Variants in KIF27 observed in about 807,000 individuals in gnomAD.
KIF27 encodes the protein kinesin family member 27, also known as kinesin-like protein KIF27.
In KIF27, 84 loss-of-function variants were observed where a neutral mutation model predicts 141.8. The ratio of observed to expected loss-of-function variants is 0.59; its 90% CI spans 0.50 to 0.71. KIF27 has a LOEUF of 0.71. KIF27 is among the 30% of genes least tolerant of loss of function. The probability of loss-of-function intolerance (pLI) is 0.00; values close to 1 mark genes in which losing one functional copy is unlikely to be tolerated. For missense variants in KIF27, 1,306 were observed against 1,628.4 expected (o/e 0.80, Z 3.41); for synonymous variants, 471 against 569.5 (o/e 0.83, Z 2.46).
chr9:83,838,294 C>T (rs1318052923), intron 17 of KIF27, among the ~76,000 whole-genome samples: 1 of 151,692 alleles, frequency 6.6e-6, no homozygotes, highest in Non-Finnish European at 1.5e-5. Flanking sequence ...AGTGCAGTGG[C>T]GTGATCTCGG....
chr9:83,866,908 G>C lies in KIF27; in HGVS notation c.2934+776C>G, dbSNP rs539649805. Among the ~76,000 whole-genome samples the C allele has an allele frequency of 5.3e-5, 8 of 150,970 alleles. No individual in the cohort carries two copies. The South Asian group carries it at 1.1e-3, about 20-fold the overall frequency. ...TTCAATGGTTTTTCATATATTCACA[G>C]TTATGTAACCATCACCACAATCAAT... On this transcript the variant is annotated intron_variant, in intron 13 of 17. Coordinates refer to ENST00000297814, the MANE Select transcript of KIF27 (RefSeq NM_017576.4).
chr9:83,849,276 C>T (rs1419759543), intron 16 of KIF27: 1 of 152,176 alleles, frequency 6.6e-6, no homozygotes, highest in Admixed American at 6.5e-5. Flanking sequence ...TGTCATTAGG[C>T]AACTGGTTGC....
At chr9:83,858,702 C>T (rs1395255082) in intron 14 of KIF27, 1 of 161,876 alleles carries the variant, frequency 6.2e-6, no homozygotes, top group African/African-American at 2.4e-5. Flanking sequence ...GGACACTGGG[C>T]CTTCTAAACC....
chr9:83,903,348 A>G lies in KIF27; in HGVS notation c.1170T>C (p.Asp390=), dbSNP rs1954130552. 1.2e-6 allele frequency: 2 copies of G among 1,614,072 alleles called. No individual in the cohort carries two copies. The highest frequency in any genetic ancestry group is 1.7e-6 in the Non-Finnish European group (2 of 1,180,044). Residue 390 remains aspartate (D), a synonymous_variant, in exon 4 of 18, where the codon GAT becomes GAC. Coordinates refer to ENST00000297814, the MANE Select transcript of KIF27 (RefSeq NM_017576.4). ...CCTCAAGAGAATGAATCCTATTTGT[A>G]TCAGGACTCCCTTCTCGATTGATCT... ...TTQINREGSP[D]TNRIHSLEEQ...
intron 11 of KIF27, among the ~76,000 whole-genome samples, chr9:83,874,811 G>C (rs970046131): frequency 6.7e-6 from 1 of 149,982 alleles, no homozygotes; most frequent in Non-Finnish European, 1.5e-5. Context: ...GCATGTGCCT[G>C]CAGTCCTAGC....
At chr9:83,918,877 A>C (rs1236658735) in intron 1 of KIF27, among the ~76,000 whole-genome samples, 1 of 152,292 alleles carries the variant, frequency 6.6e-6, no homozygotes, top group South Asian at 2.1e-4. Flanking sequence ...GGAGTTCGAG[A>C]CCAGCCTGAA....
chr9:83,871,077 A>AT (rs920980211), intron 11 of KIF27, among the ~76,000 whole-genome samples: 18 of 148,822 alleles, frequency 1.2e-4, no homozygotes, highest in Non-Finnish European at 2.2e-4. Flanking sequence ...CATCCAGCTA[A>AT]TTTTTTTTTT....
At position 83,880,453 on chromosome 9, in the gene KIF27, T is replaced by C; in HGVS notation, c.2487A>G (p.Ser829=). Residue 829 remains serine, a synonymous_variant, in exon 11 of 18, where the codon TCA becomes TCG. Coordinates refer to ENST00000297814, the MANE Select transcript of KIF27 (RefSeq NM_017576.4). ...CACGTTTCTCATTTTGGATTGACAGTGATGCCAGTTTCTTACTATCTTGTT... is the reference window on the plus strand; with the variant it reads ...CACGTTTCTCATTTTGGATTGACAGCGATGCCAGTTTCTTACTATCTTGTT... The part of the protein sequence containing the change: ...KKQQDSKKLA[S]LSIQNEKRAN... 2 of 1,612,936 alleles carry C rather than the reference T, an allele frequency of 1.2e-6. No individual in the cohort carries two copies. Among genetic ancestry groups the C allele is most frequent in the East Asian group, 2.2e-5 (1 of 44,876 alleles).
intron 13 of KIF27, among the ~76,000 whole-genome samples, chr9:83,865,140 C>A (rs879882441): frequency 1.3e-5 from 2 of 152,000 alleles, no homozygotes; most frequent in Non-Finnish European, 2.9e-5. Flanking sequence ...GTCTTTGATA[C>A]TCTCCTCTTT....
chr9:83,893,448 A>T (rs977872808), intron 5 of KIF27, among the ~76,000 whole-genome samples: 1 of 152,098 alleles, frequency 6.6e-6, no homozygotes, highest in Admixed American at 6.5e-5. Flanking sequence ...CTGAAATCAG[A>T]GATAGTATGT....
rs192546948 is a variant in KIF27 at position 83,903,265 on chromosome 9, G to A, written c.1253C>T (p.Ala418Val). The change falls in exon 4 of 18, where the codon GCC becomes GTC. Residue 418 changes from alanine (A) to valine (V), a missense_variant. Ala to Val is a moderately conservative substitution (Grantham distance 64, BLOSUM62 0). Coordinates refer to ENST00000297814, the MANE Select transcript of KIF27 (RefSeq NM_017576.4). ...TTTTAGGTCAACCAGGAAGGTAAAG[G>A]CTTCTTCTACACAACACTGGTAACC... ...CLGYQCCVEE[A>V]FTFLVDLKDT... is the part of the protein sequence containing the mutation. 3 of 1,614,120 alleles carry A rather than the reference G, an allele frequency of 1.9e-6. No individual in the cohort carries two copies. Among genetic ancestry groups the A allele is most frequent in the African/African-American group, 1.3e-5 (1 of 75,024 alleles).
chr9:83,863,380 C>G (rs1268338642), intron 13 of KIF27, among the ~76,000 whole-genome samples: 1 of 152,068 alleles, frequency 6.6e-6, no homozygotes, highest in African/African-American at 2.4e-5. Flanking sequence ...GAGTTTTTAC[C>G]ATGAAGGGCT....
chr9:83,894,751 T>C (rs549353593), intron 5 of KIF27, among the ~76,000 whole-genome samples: 3 of 152,290 alleles, frequency 2.0e-5, no homozygotes, highest in African/African-American at 7.2e-5. Context: ...CCAGACTTTG[T>C]TCCATGTGTC....
In KIF27 at chr9:83,870,587, C is replaced by G. The variant is rs1483659279; in HGVS notation, c.2689G>C (p.Ala897Pro). ...TGQEEGLKPK[A>P]EDLDACNLKR... Reference sequence around the variant, plus strand: ...AAGTTACATGCATCAAGGTCCTCAGCTTTCGGTTTTAGACCTTCTTCCTGT... The same window carrying G: ...AAGTTACATGCATCAAGGTCCTCAGGTTTCGGTTTTAGACCTTCTTCCTGT... Residue 897 changes from alanine to proline, a missense_variant, in exon 12 of 18, where the codon GCT becomes CCT. Coordinates refer to ENST00000297814, the MANE Select transcript of KIF27 (RefSeq NM_017576.4). 6.2e-7 allele frequency: 1 copy of G among 1,613,684 alleles called. No homozygotes were observed. Among genetic ancestry groups the G allele is most frequent in the Non-Finnish European group, 8.5e-7 (1 of 1,179,854 alleles).
At chr9:83,844,714 G>C (rs985166162) in intron 16 of KIF27, among the ~76,000 whole-genome samples, 3 of 152,148 alleles carry the variant, frequency 2.0e-5, no homozygotes, top group African/African-American at 7.2e-5. Context: ...GAAGCTGGTT[G>C]GTTGCTCCTA....
chr9:83,915,193 T>G lies in KIF27; in HGVS notation c.298+101A>C, dbSNP rs573288338. The G allele has an allele frequency of 1.3e-5, 11 of 877,336 alleles. No homozygotes were observed. The East Asian group carries it at 1.3e-4, about 10-fold the overall frequency. 54.3% of individuals were successfully genotyped at this position (877,336 alleles called of 1,614,324 possible). On this transcript the variant is annotated intron_variant, in intron 2 of 17. Transcript: ENST00000297814. ...GATTACATGATTCATTCCTTCACTA[T>G]TCAATCAATATGCTAAACACCTACC...
intron 1 of KIF27, among the ~76,000 whole-genome samples, chr9:83,919,545 T>C (rs765068673): frequency 6.6e-6 from 1 of 151,764 alleles, no homozygotes; most frequent in Non-Finnish European, 1.5e-5. Context: ...ACTGAAATAA[T>C]ATTTTATTAA....
chr9:83,849,144 C>A (rs1948231477), intron 16 of KIF27, among the ~76,000 whole-genome samples: 1 of 152,092 alleles, frequency 6.6e-6, no homozygotes, highest in Admixed American at 6.5e-5. Context: ...TTGGCTATAG[C>A]ATGAACTTTT....
intron 11 of KIF27, among the ~76,000 whole-genome samples, chr9:83,879,343 T>C (rs1484396006): frequency 1.3e-5 from 2 of 151,086 alleles, no homozygotes; most frequent in Non-Finnish European, 2.9e-5. Flanking sequence ...GGTCGGAAAA[T>C]AGGTTATATC....
Sources: gnomAD v4.1 joint callset for allele counts (sites outside exome capture counted in the v4.1 genomes callset) on GRCh38, gnomAD v4.1.1 for gene constraint, MANE v1.5 for transcripts, NCBI Gene and HGNC (gene_info 2026-07-23, HGNC 2026-07-21) for gene names.